MYPN: variants seen among roughly 807,000 people sequenced by gnomAD.
MYPN encodes the protein myopalladin.
Under a neutral mutation model 129.4 loss-of-function variants are expected in MYPN, and 63 were observed. The observed-to-expected ratio is 0.49, with a 90% confidence interval of 0.40 to 0.60. The LOEUF (loss-of-function observed/expected upper bound fraction) is 0.60, where lower values mean the gene tolerates loss of function less well. Among genes scored for constraint, MYPN ranks in the 20% least tolerant of loss-of-function variants. The pLI is 0.00. For synonymous variants in MYPN, 629 were observed against 600.9 expected (o/e 1.05, Z -0.68); for missense variants, 1,596 against 1,635.4 (o/e 0.98, Z 0.42).
intron 12 of MYPN, among the ~76,000 whole-genome samples, chr10:68,186,613 A>T (rs758987674): frequency 7.9e-5 from 12 of 152,120 alleles, no homozygotes; most frequent in Non-Finnish European, 7.4e-5. Flanking sequence ...TTCCCCAAAG[A>T]TGTGTTAATG....
At chr10:68,191,294 T>G (rs2043508343) in intron 13 of MYPN, among the ~76,000 whole-genome samples, 1 of 151,798 alleles carries the variant, frequency 6.6e-6, no homozygotes, top group South Asian at 2.1e-4. Context: ...CTCTGCTCAC[T>G]GCTACCTCCA....
At chr10:68,193,435 T>C (rs2043548441) in intron 13 of MYPN, among the ~76,000 whole-genome samples, 1 of 152,224 alleles carries the variant, frequency 6.6e-6, no homozygotes, top group Admixed American at 6.5e-5. Context: ...AAACTGATAT[T>C]TTTCTGTCTG....
rs74733788 is a variant in MYPN at position 68,127,553 on chromosome 10, T to A, written c.902+5213T>A. Among the ~76,000 whole-genome samples, 2,954 of 151,380 alleles carry A rather than the reference T, an allele frequency of 0.02. 202 individuals are homozygous for A. The East Asian group carries it at 0.2, about 10-fold the overall frequency. On this transcript the variant is annotated intron_variant, in intron 2 of 19. Coordinates refer to ENST00000358913, the MANE Select transcript of MYPN (RefSeq NM_032578.4). The stretch of plus-strand genomic sequence containing the variant: ...TTTCACCATGTTGGTCAGGCTGGTC[T>A]TGAACTCCTGACCTCATGATCTGCC...
At chr10:68,098,609 G>C (rs1037294266) in intron 1 of MYPN, among the ~76,000 whole-genome samples, 1 of 152,076 alleles carries the variant, frequency 6.6e-6, no homozygotes, top group Admixed American at 6.5e-5. Flanking sequence ...ACTTTGGGAG[G>C]CCGAGGCGGG....
chr10:68,206,534 G>T (rs2043818444), intron 18 of MYPN, among the ~76,000 whole-genome samples: 1 of 152,158 alleles, frequency 6.6e-6, no homozygotes, highest in Non-Finnish European at 1.5e-5. Flanking sequence ...CTGGTGGGGA[G>T]CGCAACTTCA....
chr10:68,207,821 A>G (rs940988860), intron 19 of MYPN, among the ~76,000 whole-genome samples: 8 of 152,348 alleles, frequency 5.3e-5, no homozygotes, highest in Admixed American at 1.3e-4. Context: ...GAGAGTAACA[A>G]CATTGTACAG....
intron 17 of MYPN, among the ~76,000 whole-genome samples, chr10:68,200,816 C>T (rs1428053856): frequency 6.6e-6 from 1 of 152,034 alleles, no homozygotes; most frequent in Non-Finnish European, 1.5e-5. Context: ...TCTCTCTAGG[C>T]TAGTGGCGGT....
intron 2 of MYPN, among the ~76,000 whole-genome samples, chr10:68,135,900 A>G (rs2042479785): frequency 6.6e-6 from 1 of 152,152 alleles, no homozygotes; most frequent in Admixed American, 6.5e-5. Flanking sequence ...AGGGTTCTGG[A>G]AAGGAAAAGA....
chr10:68,108,968 A>G (rs968770369), upstream of MYPN, among the ~76,000 whole-genome samples: 12 of 152,132 alleles, frequency 7.9e-5, no homozygotes, highest in Admixed American at 7.2e-4. Context: ...TGATCTGCCC[A>G]CATCAGCCTC....
At chr10:68,093,196 T>C (rs2041938855) in intron 1 of MYPN, among the ~76,000 whole-genome samples, 1 of 152,124 alleles carries the variant, frequency 6.6e-6, no homozygotes, top group Non-Finnish European at 1.5e-5. Flanking sequence ...CATTTTTACA[T>C]GTTGGAAAAA....
At chr10:68,133,058 C>T in intron 2 of MYPN, among the ~76,000 whole-genome samples, 1 of 128,926 alleles carries the variant, frequency 7.8e-6, no homozygotes, top group Non-Finnish European at 1.5e-5. Context: ...TGGAGTCTTG[C>T]TCTGTCACCC....
Position 68,121,769 on chromosome 10 carries a change from T to A in MYPN, c.331T>A (p.Leu111Ile). 6.2e-7 allele frequency: 1 copy of A among 1,614,152 alleles called. No homozygotes were observed. The highest frequency in any genetic ancestry group is 8.5e-7 in the Non-Finnish European group (1 of 1,180,032). Residue 111 changes from leucine (L) to isoleucine (I), a missense_variant, in exon 2 of 20, where the codon TTA (leucine) becomes ATA (isoleucine). Physicochemically the swap from Leu to Ile is conservative, Grantham distance 5. Coordinates refer to ENST00000358913, the MANE Select transcript of MYPN (RefSeq NM_032578.4). The stretch of plus-strand genomic sequence containing the variant: ...TGATCAGATGAAACACTCACCTAAT[T>A]TAAGTTTTGAGCCTAACTTCTGCCA... ...SPDQMKHSPN[L>I]SFEPNFCQDN...
chr10:68,205,983 T>C (rs2043808045), intron 18 of MYPN, among the ~76,000 whole-genome samples: 1 of 152,212 alleles, frequency 6.6e-6, no homozygotes, highest in Admixed American at 6.5e-5. Flanking sequence ...CAATGAAAGG[T>C]AAACACTTAT....
intron 2 of MYPN, among the ~76,000 whole-genome samples, chr10:68,137,370 T>C (rs1431142094): frequency 6.6e-6 from 1 of 152,230 alleles, no homozygotes; most frequent in African/African-American, 2.4e-5. Flanking sequence ...TTTAATAGTC[T>C]TTTCAGGAAA....
At chr10:68,152,316 C>A (rs2042785138) in intron 6 of MYPN, among the ~76,000 whole-genome samples, 1 of 152,022 alleles carries the variant, frequency 6.6e-6, no homozygotes, top group Admixed American at 6.6e-5. Flanking sequence ...GTCCCCTTCC[C>A]ATCATGACCT....
chr10:68,127,319 CTTTTTTTTTTTTTTTTTTTT>C (rs71470508), intron 2 of MYPN, among the ~76,000 whole-genome samples: 2 of 72,568 alleles, frequency 2.8e-5, no homozygotes, highest in African/African-American at 6.1e-5. Flanking sequence ...ACACATATAT[CTTTTTTTTTTTTTTTTTTTT>C]TTTTTGAGAT....
chr10:68,206,474 T>A (rs1453851571), intron 18 of MYPN, among the ~76,000 whole-genome samples: 2 of 152,136 alleles, frequency 1.3e-5, no homozygotes, highest in African/African-American at 2.4e-5. Context: ...TCCAACCTTG[T>A]TTGGAAAAGA....
At chr10:68,106,668 T>C, upstream of MYPN, 1 of 713,192 alleles carries the variant, frequency 1.4e-6, no homozygotes, top group Non-Finnish European at 2.6e-6. Flanking sequence ...TATAGCGATA[T>C]AAAAAAATAG....
At chr10:68,163,281 C>A (rs2134157744) in intron 8 of MYPN, among the ~76,000 whole-genome samples, 1 of 152,106 alleles carries the variant, frequency 6.6e-6, no homozygotes, top group African/African-American at 2.4e-5. Context: ...GGCAACAGAG[C>A]AAGACCTTGT....
Sources: gnomAD v4.1 joint callset for allele counts (sites outside exome capture counted in the v4.1 genomes callset) on GRCh38, gnomAD v4.1.1 for gene constraint, MANE v1.5 for transcripts, NCBI Gene and HGNC (gene_info 2026-07-23, HGNC 2026-07-21) for gene names.